The following APBB1IP variants were observed in gnomAD, a reference collection of about 807,000 sequenced individuals.
APBB1IP encodes amyloid beta A4 precursor protein-binding family B member 1-interacting protein.
In APBB1IP, 27 loss-of-function variants were observed where a neutral mutation model predicts 64.9. That is an observed-to-expected ratio of 0.42 (90% CI 0.31 to 0.57). APBB1IP has a LOEUF of 0.57. Ranked by LOEUF, APBB1IP falls within the 20% of genes least tolerant of loss-of-function variation. APBB1IP has a pLI of 0.20. For missense variants in APBB1IP, 812 were observed against 845.5 expected, an observed-to-expected ratio of 0.96 and a Z score of 0.49; for synonymous variants, 392 against 331.0, an observed-to-expected ratio of 1.18 and a Z score of -2.00.
intron 4 of APBB1IP, among the ~76,000 whole-genome samples, chr10:26,498,621 C>T (rs1222589466): frequency 2.0e-5 from 3 of 152,168 alleles, no homozygotes; most frequent in African/African-American, 7.2e-5. Context: ...CAGCCACATG[C>T]TTTATAATCA....
intron 11 of APBB1IP, among the ~76,000 whole-genome samples, chr10:26,548,695 C>T (rs1218350634): frequency 1.3e-5 from 2 of 152,116 alleles, no homozygotes; most frequent in African/African-American, 2.4e-5. Flanking sequence ...GATTTTCTAT[C>T]GTGAAACTTT....
At chr10:26,471,840 A>G (rs906262478) in intron 2 of APBB1IP, among the ~76,000 whole-genome samples, 2 of 152,030 alleles carry the variant, frequency 1.3e-5, no homozygotes, top group Non-Finnish European at 2.9e-5. Context: ...ACGTGCCACC[A>G]TGCCTGGCTT....
At chr10:26,473,597 C>T (rs567471673) in intron 2 of APBB1IP, among the ~76,000 whole-genome samples, 219 of 152,308 alleles carry the variant, frequency 1.4e-3, no homozygotes, top group Non-Finnish European at 2.1e-3. Flanking sequence ...ACTCAGTTTG[C>T]GCATAAATGG....
intron 11 of APBB1IP, among the ~76,000 whole-genome samples, chr10:26,557,417 GA>G (rs1836907890): frequency 6.6e-6 from 1 of 152,208 alleles, no homozygotes; most frequent in Admixed American, 6.5e-5. Flanking sequence ...TTCTGAGGCC[GA>G]GTGACCTACA....
At chr10:26,524,341 C>T (rs565568655) in intron 8 of APBB1IP, among the ~76,000 whole-genome samples, 4 of 152,144 alleles carry the variant, frequency 2.6e-5, no homozygotes, top group African/African-American at 9.6e-5. Flanking sequence ...TGAGCTCCCC[C>T]AGTTTATTGC....
chr10:26,561,929 A>C, intron 13 of APBB1IP: 1 of 172,144 alleles, frequency 5.8e-6, no homozygotes, highest in Admixed American at 5.7e-5. Context: ...TTTTAAAAAA[A>C]TCAAGAATTT....
chr10:26,538,341 T>C (rs1836653635), intron 10 of APBB1IP, among the ~76,000 whole-genome samples: 2 of 152,080 alleles, frequency 1.3e-5, no homozygotes, highest in African/African-American at 4.8e-5. Context: ...ACTGAATCAA[T>C]AGAAAGGTAC....
At chr10:26,445,557 G>A (rs1240479541) in intron 2 of APBB1IP, among the ~76,000 whole-genome samples, 2 of 152,188 alleles carry the variant, frequency 1.3e-5, no homozygotes, top group South Asian at 2.1e-4. Flanking sequence ...GCCTGGCCAC[G>A]TAAATTCTTA....
chr10:26,517,842 C>G (rs911245768), intron 8 of APBB1IP, among the ~76,000 whole-genome samples: 1 of 152,222 alleles, frequency 6.6e-6, no homozygotes, highest in African/African-American at 2.4e-5. Flanking sequence ...CTGTTGGGAG[C>G]ATTCTTATAC....
In APBB1IP at chr10:26,524,867, T is replaced by G. The variant is rs530109873; in HGVS notation, c.814-8572T>G. ...TCACGAGATTTTGTGGTTTATAGGT[T>G]ATGACTCCCCTGGCCCTTAGGAAGG... On this transcript the variant is annotated intron_variant, in intron 8 of 14. Transcript: ENST00000376236. 3.3e-5 allele frequency among the ~76,000 whole-genome samples: 5 copies of G among 152,046 alleles called. No individual in the cohort carries two copies. The East Asian group carries it at 9.7e-4, about 29-fold the overall frequency.
intron 11 of APBB1IP, among the ~76,000 whole-genome samples, chr10:26,558,835 A>G (rs1836930175): frequency 6.6e-6 from 1 of 152,168 alleles, no homozygotes. Context: ...GGAGGAATGC[A>G]AGGAGTTTCT....
intron 8 of APBB1IP, among the ~76,000 whole-genome samples, chr10:26,531,826 G>C (rs1205916353): frequency 6.6e-6 from 1 of 152,098 alleles, no homozygotes; most frequent in Non-Finnish European, 1.5e-5. Context: ...CATGCCTATA[G>C]TCCCAGCTAT....
chr10:26,441,786 T>G (rs1369847797), intron 2 of APBB1IP, among the ~76,000 whole-genome samples: 1 of 152,230 alleles, frequency 6.6e-6, no homozygotes, highest in Non-Finnish European at 1.5e-5. Context: ...TGAACTTGAA[T>G]AATTAAGAAT....
chr10:26,517,709 A>G (rs961872491), intron 8 of APBB1IP, among the ~76,000 whole-genome samples: 5 of 152,244 alleles, frequency 3.3e-5, no homozygotes, highest in African/African-American at 9.6e-5. Flanking sequence ...TATTGCCCAT[A>G]GCACTAGCTT....
chr10:26,545,360 C>T (rs1228289838), intron 11 of APBB1IP, among the ~76,000 whole-genome samples: 3 of 152,208 alleles, frequency 2.0e-5, no homozygotes, highest in Admixed American at 6.5e-5. Context: ...TGCGGTGGCA[C>T]GTGCTTGTAA....
In APBB1IP at chr10:26,460,754, A is replaced by C. The variant is rs558844383; in HGVS notation, c.-1+21901A>C. Among the ~76,000 whole-genome samples the C allele has an allele frequency of 7.2e-5, 11 of 152,292 alleles. No individual in the cohort carries two copies. In the South Asian group the frequency reaches 2.3e-3, roughly 32 times the overall value. ...TTATAAGTGGGAGCTGAATGATGAGAACACATGGACACATTGGGGGAACAA... is the reference window on the plus strand; with the variant it reads ...TTATAAGTGGGAGCTGAATGATGAGCACACATGGACACATTGGGGGAACAA... On this transcript the variant is annotated intron_variant, in intron 2 of 14. Transcript: ENST00000376236.
At chr10:26,518,482 T>C (rs1413924206) in intron 8 of APBB1IP, among the ~76,000 whole-genome samples, 2 of 152,150 alleles carry the variant, frequency 1.3e-5, no homozygotes, top group African/African-American at 4.8e-5. Context: ...TTAGTTATAG[T>C]AGATACTGCC....
At chr10:26,454,418 T>G (rs1835498909) in intron 2 of APBB1IP, among the ~76,000 whole-genome samples, 1 of 151,988 alleles carries the variant, frequency 6.6e-6, no homozygotes, top group Non-Finnish European at 1.5e-5. Context: ...CTCAGGAATC[T>G]GATGGGACAA....
chr10:26,449,218 G>C (rs1387685135), intron 2 of APBB1IP, among the ~76,000 whole-genome samples: 1 of 152,122 alleles, frequency 6.6e-6, no homozygotes, highest in African/African-American at 2.4e-5. Context: ...AAAAATGGCA[G>C]TTTAACTCAG....
Sources: allele counts gnomAD v4.1 joint callset (sites outside exome capture counted in the v4.1 genomes callset), GRCh38; gene constraint gnomAD v4.1.1; transcripts MANE v1.5; gene names NCBI Gene and HGNC (gene_info 2026-07-23, HGNC 2026-07-21).